THSD7B: variants seen among roughly 807,000 people sequenced by gnomAD.
THSD7B encodes the protein thrombospondin type 1 domain containing 7B.
A neutral mutation model predicts 213.6 loss-of-function variants in THSD7B; 138 were observed. That is an observed-to-expected ratio of 0.65 (90% confidence interval 0.56 to 0.74). The LOEUF is 0.74. Among genes scored for constraint, THSD7B ranks in the 30% least tolerant of loss-of-function variants. The pLI is 0.00. For missense variants in THSD7B, 1,931 were observed against 1,991.5 expected (o/e 0.97, Z 0.58); for synonymous variants, 742 against 687.0 (o/e 1.08, Z -1.25).
At chr2:137,266,293 G>A (rs1183701098) in intron 10 of THSD7B, among the ~76,000 whole-genome samples, 2 of 152,190 alleles carry the variant, frequency 1.3e-5, no homozygotes, top group African/African-American at 4.8e-5. Flanking sequence ...TTGAAGCTTA[G>A]CAAGGTCAAA....
intron 2 of THSD7B, among the ~76,000 whole-genome samples, chr2:137,044,818 G>T (rs1032696852): frequency 6.6e-6 from 1 of 152,234 alleles, no homozygotes; most frequent in South Asian, 2.1e-4. Context: ...AATGGCGTAG[G>T]CATTGTGACA....
intron 2 of THSD7B, among the ~76,000 whole-genome samples, chr2:136,913,074 T>C (rs1684294026): frequency 6.6e-6 from 1 of 152,214 alleles, no homozygotes; most frequent in Non-Finnish European, 1.5e-5. Context: ...CAAATGCTGA[T>C]AGTGATATGG....
At chr2:137,349,626 C>A (rs78499997) in intron 12 of THSD7B, among the ~76,000 whole-genome samples, 1 of 151,846 alleles carries the variant, frequency 6.6e-6, no homozygotes, top group African/African-American at 2.4e-5. Context: ...ACAGTTTAAA[C>A]GTAGGCTATT....
intron 15 of THSD7B, among the ~76,000 whole-genome samples, chr2:137,512,853 C>T (rs939129587): frequency 6.6e-6 from 1 of 152,134 alleles, no homozygotes. Flanking sequence ...TAATATTTTT[C>T]TCACTTTCCA....
intron 22 of THSD7B, among the ~76,000 whole-genome samples, chr2:137,656,015 G>A (rs7591709): frequency 0.11 from 17,342 of 152,090 alleles, 1,039 homozygotes; most frequent in Middle Eastern, 0.16. Context: ...ATTGGACAGC[G>A]TTCAAAAAAT....
chr2:137,311,601 C>T (rs1044142379), intron 12 of THSD7B, among the ~76,000 whole-genome samples: 3 of 152,088 alleles, frequency 2.0e-5, no homozygotes, highest in Non-Finnish European at 2.9e-5. Context: ...AAAGGGAATA[C>T]TTCCAGTTTT....
chr2:136,971,007 G>A (rs986075040), intron 2 of THSD7B, among the ~76,000 whole-genome samples: 2 of 152,114 alleles, frequency 1.3e-5, no homozygotes, highest in Non-Finnish European at 2.9e-5. Context: ...TACTAAATAT[G>A]TTGCAACTAA....
At chr2:137,399,418 C>G (rs1318260802) in intron 12 of THSD7B, among the ~76,000 whole-genome samples, 3 of 152,100 alleles carry the variant, frequency 2.0e-5, no homozygotes, top group Non-Finnish European at 4.4e-5. Context: ...GTCTCGAACT[C>G]CTGACCTTGA....
At chr2:136,847,659 A>G (rs1683032851) in intron 1 of THSD7B, among the ~76,000 whole-genome samples, 1 of 152,192 alleles carries the variant, frequency 6.6e-6, no homozygotes, top group African/African-American at 2.4e-5. Context: ...CTATAGGGAC[A>G]CAGAATCCCT....
In THSD7B at chr2:137,487,508, T is replaced by A. The variant is rs1429254875; in HGVS notation, c.3138+36485T>A. On this transcript the variant is annotated intron_variant, in intron 15 of 27. Transcript: ENST00000409968. Reference sequence around the variant, plus strand: ...AGAGACACAAAAAACCCTTCAAAAATTTAATGAATCCAGGAGCTGGTTTTT... The same window carrying A: ...AGAGACACAAAAAACCCTTCAAAAAATTAATGAATCCAGGAGCTGGTTTTT... Among the ~76,000 whole-genome samples the A allele has an allele frequency of 1.2e-3, 177 of 150,442 alleles. 2 individuals carry two copies. In the Middle Eastern group the frequency reaches 0.014, roughly 12 times the overall value.
chr2:137,050,171 C>T (rs1028559336), intron 2 of THSD7B, among the ~76,000 whole-genome samples: 5 of 152,136 alleles, frequency 3.3e-5, no homozygotes, highest in African/African-American at 1.2e-4. Context: ...TAAAGACCTA[C>T]TTGTGTCAGA....
intron 12 of THSD7B, among the ~76,000 whole-genome samples, chr2:137,332,735 T>G (rs774971224): frequency 6.6e-6 from 1 of 152,150 alleles, no homozygotes; most frequent in African/African-American, 2.4e-5. Flanking sequence ...GCAGTTTCCC[T>G]CATACTATTC....
intron 3 of THSD7B, among the ~76,000 whole-genome samples, chr2:137,067,738 C>T (rs565653391): frequency 1.3e-4 from 19 of 151,958 alleles, no homozygotes; most frequent in Non-Finnish European, 2.5e-4. Context: ...TGGTAAAACC[C>T]TAGTTTGTTA....
chr2:137,258,466 C>A (rs1304833565), intron 10 of THSD7B, among the ~76,000 whole-genome samples: 1 of 152,076 alleles, frequency 6.6e-6, no homozygotes, highest in Admixed American at 6.6e-5. Flanking sequence ...ATAATACCAG[C>A]TCTGCCTTGA....
rs79691878 is a variant in THSD7B at position 137,170,205 on chromosome 2, G to A, written c.1526-536G>A. 1.2e-3 allele frequency among the ~76,000 whole-genome samples: 177 copies of A among 152,172 alleles called. 3 individuals carry two copies. In the East Asian group the frequency reaches 0.029, roughly 25 times the overall value. ...TCATTGACCCATGTCTAGCCTGGGT[G>A]GAAAGTGAACTCCAAAGAGATATTG... On this transcript the variant is annotated intron_variant, in intron 6 of 27. Transcript: ENST00000409968.
chr2:136,918,232 A>G (rs1420551748), intron 2 of THSD7B, among the ~76,000 whole-genome samples: 1 of 152,158 alleles, frequency 6.6e-6, no homozygotes, highest in African/African-American at 2.4e-5. Flanking sequence ...TTAGAACTAG[A>G]ACTTAGGTTA....
intron 1 of THSD7B, among the ~76,000 whole-genome samples, chr2:136,848,211 G>T (rs1683041111): frequency 1.3e-5 from 2 of 152,130 alleles, no homozygotes; most frequent in Admixed American, 6.6e-5. Flanking sequence ...ATAACACTGT[G>T]CTAGTCTCCT....
intron 4 of THSD7B, among the ~76,000 whole-genome samples, chr2:137,113,085 G>GT (rs891926254): frequency 1.4e-4 from 21 of 152,268 alleles, no homozygotes; most frequent in African/African-American, 4.8e-4. Flanking sequence ...GTCAGTGGCT[G>GT]TATCTGACCC....
At chr2:136,946,697 C>T (rs1684945066) in intron 2 of THSD7B, among the ~76,000 whole-genome samples, 1 of 152,202 alleles carries the variant, frequency 6.6e-6, no homozygotes, top group Admixed American at 6.5e-5. Flanking sequence ...ATGGTGGACA[C>T]CCCTCCGCCT....
Sources: gnomAD v4.1 joint callset for allele counts (sites outside exome capture counted in the v4.1 genomes callset) on GRCh38, gnomAD v4.1.1 for gene constraint, MANE v1.5 for transcripts, NCBI Gene and HGNC (gene_info 2026-07-23, HGNC 2026-07-21) for gene names.